Variants in FBLN1 observed in about 807,000 individuals in gnomAD.
FBLN1 encodes fibulin 1, also known as fibulin-1.
Under a neutral mutation model 89.7 loss-of-function variants are expected in FBLN1, and 34 were observed. The ratio of observed to expected loss-of-function variants is 0.38; its 90% CI spans 0.29 to 0.50. The LOEUF is 0.50. FBLN1 is among the 20% of genes least tolerant of loss of function. The pLI, the probability that FBLN1 is intolerant of heterozygous loss-of-function variation, is 0.92. For missense variants in FBLN1, 777 were observed against 988.1 expected (o/e 0.79, Z 2.86); for synonymous variants, 393 against 391.3 (o/e 1.00, Z -0.05).
At chr22:45,567,065 T>C (rs1477986433) in intron 14 of FBLN1, among the ~76,000 whole-genome samples, 1 of 152,210 alleles carries the variant, frequency 6.6e-6, no homozygotes, top group Non-Finnish European at 1.5e-5. Flanking sequence ...TTGCCCAAAG[T>C]TCCACAGCTG....
chr22:45,566,549 T>G (rs1817379854), intron 14 of FBLN1, among the ~76,000 whole-genome samples: 1 of 152,188 alleles, frequency 6.6e-6, no homozygotes, highest in African/African-American at 2.4e-5. Context: ...ATTTACTAGT[T>G]CTGTGACCCT....
At chr22:45,567,540 T>C (rs973407506) in intron 14 of FBLN1, among the ~76,000 whole-genome samples, 2 of 152,144 alleles carry the variant, frequency 1.3e-5, no homozygotes, top group East Asian at 1.9e-4. Flanking sequence ...TGCTTGAACC[T>C]GGAATACAGA....
chr22:45,582,659 G>T (rs1265151654), intron 16 of FBLN1, among the ~76,000 whole-genome samples: 1 of 152,198 alleles, frequency 6.6e-6, no homozygotes, highest in Non-Finnish European at 1.5e-5. Context: ...TTCTAGGCTG[G>T]GGCAGGAGCT....
chr22:45,565,453 C>A, intron 14 of FBLN1: 1 of 399,902 alleles, frequency 2.5e-6, no homozygotes, highest in Non-Finnish European at 4.4e-6. Flanking sequence ...CTGCAGACTG[C>A]CATTCTCCTT....
Position 45,600,535 on chromosome 22 carries a change from A to G in FBLN1, c.*89A>G, listed in dbSNP as rs1920925477. On this transcript the variant is annotated 3_prime_UTR_variant, in exon 17 of 17. Transcript: ENST00000327858. ...GGTCTGTACTTGTTTATACCCTCAG[A>G]CTTTTTTAATGTTAGGTATTTGTAG... 1.3e-6 allele frequency: 2 copies of G among 1,482,738 alleles called. No individual in the cohort carries two copies. Among genetic ancestry groups the G allele is most frequent in the Non-Finnish European group, 1.9e-6 (2 of 1,061,280 alleles). The allele number at this position is 1,482,738 out of a possible 1,614,324, so 91.8% of individuals were successfully genotyped here.
rs543266758 is a variant in FBLN1 at position 45,503,056 on chromosome 22, C to T, written c.71C>T (p.Ala24Val). 3.2e-6 allele frequency: 4 copies of T among 1,247,152 alleles called. No homozygotes were observed. The South Asian group carries it at 1.0e-4, about 31-fold the overall frequency. The allele number at this position is 1,247,152 out of a possible 1,614,324, so 77.3% of individuals were successfully genotyped here. A position where few individuals can be genotyped will look rare whatever the true frequency, so the allele number is the denominator to read the frequency against. ...CTGCTCGGCGGCCTTGCGCTGCTGG[C>T]GGCCGGAGGTAGGGGCGTCCCGGGT... Reference protein sequence around the residue: ...LLLLGGLALLAAGVDADVLLE... With the variant: ...LLLLGGLALLVAGVDADVLLE... Residue 24 changes from alanine (A) to valine (V), a missense_variant, in exon 1 of 17, where the codon GCG becomes GTG. By Grantham distance (64) the Ala-to-Val change is moderately conservative. Transcript: ENST00000327858.
At chr22:45,521,494 C>T (rs552078398) in intron 2 of FBLN1, among the ~76,000 whole-genome samples, 26 of 152,368 alleles carry the variant, frequency 1.7e-4, no homozygotes, top group African/African-American at 6.0e-4. Flanking sequence ...CCCAGCTCTG[C>T]CTGCGTCACT....
intron 1 of FBLN1, among the ~76,000 whole-genome samples, chr22:45,506,033 T>G (rs2088015641): frequency 6.6e-6 from 1 of 152,218 alleles, no homozygotes. Flanking sequence ...CCTCCCAAAG[T>G]GCTGGAATTA....
At chr22:45,589,474 G>A (rs868517743) in intron 16 of FBLN1, among the ~76,000 whole-genome samples, 3 of 152,290 alleles carry the variant, frequency 2.0e-5, no homozygotes, top group East Asian at 1.9e-4. Flanking sequence ...CTGCAGATTC[G>A]CGAGCCTCTG....
Position 45,572,212 on chromosome 22 carries a change from G to A in FBLN1, c.1698-2299G>A, listed in dbSNP as rs570404056. 2.0e-5 allele frequency among the ~76,000 whole-genome samples: 3 copies of A among 152,270 alleles called. No individual in the cohort carries two copies. The highest frequency in any genetic ancestry group is 7.2e-5 in the African/African-American group (3 of 41,556). ...TTCTTGGAGAAATGGTTGATTCCAG[G>A]TCTTGGGCAGTAAAAGTGTAAAATG... On this transcript the variant is annotated intron_variant, in intron 14 of 16. Transcript: ENST00000327858. This position sits in a 1 kb window ranked among gnomAD's most constrained non-coding sequence, Gnocchi z 5.8.
rs993687621 is a variant in FBLN1 at position 45,563,758 on chromosome 22, G to T, written c.1698-10753G>T. ...CATGCCAGGTCAAGGAAGCGGGTCT[G>T]CTGGCCCCTGCCTGGTTCTTTGCTG... On this transcript the variant is annotated intron_variant, in intron 14 of 16. Coordinates refer to ENST00000327858, the MANE Select transcript of FBLN1 (RefSeq NM_006486.3). The surrounding 1 kb of genome is among the most constrained non-coding windows in gnomAD (Gnocchi z 5.7). Among the ~76,000 whole-genome samples the T allele has an allele frequency of 1.3e-5, 2 of 152,190 alleles. No homozygotes were observed. The highest frequency in any genetic ancestry group is 4.8e-5 in the African/African-American group (2 of 41,446).
At chr22:45,595,425 C>T (rs961984960) in intron 16 of FBLN1, among the ~76,000 whole-genome samples, 78 of 152,300 alleles carry the variant, frequency 5.1e-4, no homozygotes, top group African/African-American at 1.8e-3. Context: ...ATGCAAAGAA[C>T]CTGAGAAAAT....
At position 45,563,010 on chromosome 22, in the gene FBLN1, C is replaced by A. The variant is rs200946785; in HGVS notation, c.1698-11501C>A. 6.2e-7 allele frequency: 1 copy of A among 1,613,480 alleles called. No individual in the cohort carries two copies. Among genetic ancestry groups the A allele is most frequent in the Non-Finnish European group, 8.5e-7 (1 of 1,179,984 alleles). ...CTCTCTTTCCCCACCAACATCCAAG[C>A]GCCCGCGGTGGTTTTCCGCATGGGC... On this transcript the variant is annotated intron_variant, in intron 14 of 16. Coordinates refer to ENST00000327858, the MANE Select transcript of FBLN1 (RefSeq NM_006486.3). The surrounding 1 kb of genome is among the most constrained non-coding windows in gnomAD (Gnocchi z 5.7).
Position 45,543,484 on chromosome 22 carries a change from TC to T in FBLN1, c.1281del (p.Val428TrpfsTer103). The T allele has an allele frequency of 1.2e-6, 2 of 1,613,874 alleles. No individual in the cohort carries two copies. Among genetic ancestry groups the T allele is most frequent in the Non-Finnish European group, 1.7e-6 (2 of 1,180,000 alleles). On this transcript the variant is annotated frameshift_variant, in exon 11 of 17. Transcript: ENST00000327858. LOFTEE classifies it high-confidence loss of function. ...GCTGGGCTCCTACCTCTGCAGCTGT[TC>T]CGTGGGCTTCCGGCTCTCTGTGGAT... ...NTLGSYLCSCSVGFRLSVDGR... is the reference protein window; with the variant it reads ...NTLGSYLCSCXVGFRLSVDGR...
chr22:45,512,636 T>A (rs111904793), intron 1 of FBLN1, among the ~76,000 whole-genome samples: 9,820 of 152,176 alleles, frequency 0.065, 381 homozygotes, highest in Non-Finnish European at 0.077. Context: ...CAGCTGGAAG[T>A]CCCTGCAGGG....
intron 14 of FBLN1, chr22:45,558,386 G>C (rs2147006530): frequency 4.3e-6 from 1 of 231,760 alleles, no homozygotes; most frequent in East Asian, 1.0e-4. Context: ...GCCAAGAGCT[G>C]TCTCTCAAAA....
At position 45,578,155 on chromosome 22, in the gene FBLN1, A is replaced by C. The variant is rs1238883249; in HGVS notation, c.1972+1047A>C. The C allele has an allele frequency of 6.6e-6, 1 of 152,232 alleles. No homozygotes were observed. Among genetic ancestry groups the C allele is most frequent in the Non-Finnish European group, 1.5e-5 (1 of 68,048 alleles). 9.4% of individuals were successfully genotyped at this position (152,232 alleles called of 1,614,324 possible). A position where few individuals can be genotyped will look rare whatever the true frequency, so the allele number is the denominator to read the frequency against. The stretch of plus-strand genomic sequence containing the variant: ...GAACCCACGAGCGTGCAGTGCGCAC[A>C]GAGCAGAGCGTTTTGGAGCCTGGCC... On this transcript the variant is annotated intron_variant, in intron 16 of 16. Transcript: ENST00000327858. The surrounding 1 kb of genome is among the most constrained non-coding windows in gnomAD (Gnocchi z 4.6).
chr22:45,515,826 G>GA (rs2146946640), intron 1 of FBLN1, among the ~76,000 whole-genome samples: 1 of 152,356 alleles, frequency 6.6e-6, no homozygotes, highest in South Asian at 2.1e-4. Context: ...CTGTGATTCA[G>GA]AGAGGCGGCG....
Position 45,600,499 on chromosome 22 carries a change from C to T in FBLN1, c.*53C>T. 1.2e-6 allele frequency: 2 copies of T among 1,607,670 alleles called. No homozygotes were observed. Among genetic ancestry groups the T allele is most frequent in the South Asian group, 1.1e-5 (1 of 90,914 alleles). On this transcript the variant is annotated 3_prime_UTR_variant, in exon 17 of 17. Coordinates refer to ENST00000327858, the MANE Select transcript of FBLN1 (RefSeq NM_006486.3). The stretch of plus-strand genomic sequence containing the variant: ...GCACCTCCAGGCCAAATCATTGCTG[C>T]CAGTGACTGTGGTCTGTACTTGTTT...
Sources: gnomAD v4.1 joint callset for allele counts (sites outside exome capture counted in the v4.1 genomes callset) on GRCh38, gnomAD v4.1.1 for gene constraint, Gnocchi (gnomAD v3.1) non-coding constraint, MANE v1.5 for transcripts, NCBI Gene and HGNC (gene_info 2026-07-23, HGNC 2026-07-21) for gene names.